Variants in TRPM3 observed in about 807,000 individuals in gnomAD.
TRPM3 encodes transient receptor potential cation channel subfamily M member 3.
In TRPM3, 77 loss-of-function variants were observed where a neutral mutation model predicts 181.2. The observed-to-expected ratio is 0.42, with a 90% confidence interval of 0.35 to 0.51. The LOEUF is 0.51. Among genes scored for constraint, TRPM3 ranks in the 20% least tolerant of loss-of-function variants. The pLI is 0.01. For missense variants in TRPM3, 1,759 were observed against 2,196.7 expected (o/e 0.80, Z 3.98); for synonymous variants, 745 against 796.4 (o/e 0.94, Z 1.09).
At chr9:70,965,452 G>A (rs1253487539) in intron 1 of TRPM3, among the ~76,000 whole-genome samples, 1 of 151,966 alleles carries the variant, frequency 6.6e-6, no homozygotes, top group Non-Finnish European at 1.5e-5. Context: ...ACAATCAAGT[G>A]ACACAGAGAA....
At chr9:70,860,633 C>T (rs2095497891) in intron 3 of TRPM3, among the ~76,000 whole-genome samples, 1 of 152,120 alleles carries the variant, frequency 6.6e-6, no homozygotes, top group Non-Finnish European at 1.5e-5. Flanking sequence ...GGGGTGAGAA[C>T]TTCTGGAATA....
In TRPM3 at chr9:71,282,127, CGAAAGAAAGAAAGAAAGGAAA is replaced by C. The variant is rs1473959572; in HGVS notation, c.183+164505_183+164525del. 3.5e-5 allele frequency among the ~76,000 whole-genome samples: 2 copies of C among 57,658 alleles called. 1 individual carries two copies. Among genetic ancestry groups the C allele is most frequent in the Non-Finnish European group, 7.5e-5 (2 of 26,772 alleles). The allele number at this position is 57,658 out of a possible 152,430, so 37.8% of individuals were successfully genotyped here. On this transcript the variant is annotated intron_variant, in intron 1 of 24. Transcript: ENST00000357533. Reference sequence around the variant, plus strand: ...AAAAGAAAGAAAGAAAAAGAAAGAACGAAAGAAAGAAAGAAAGGAAAGAAAGAAAGGAAAAGAAAGAATGAA... The same window carrying C: ...AAAAGAAAGAAAGAAAAAGAAAGAACGAAAGAAAGGAAAAGAAAGAATGAA...
intron 3 of TRPM3, among the ~76,000 whole-genome samples, 177 bp from the exon 4 acceptor site, chr9:70,846,768 C>A (rs2094973546): frequency 6.6e-6 from 1 of 152,132 alleles, no homozygotes; most frequent in Non-Finnish European, 1.5e-5. Flanking sequence ...AGACAGAGTT[C>A]ATATTTTTAA....
At chr9:71,429,016 C>A (rs6560204) in intron 1 of TRPM3, among the ~76,000 whole-genome samples, 148,998 of 151,252 alleles carry the variant, frequency 0.99, 73,422 homozygotes, top group East Asian at 1. Context: ...TTGAGGACCT[C>A]ATCTTTGCAC....
intron 1 of TRPM3, among the ~76,000 whole-genome samples, chr9:71,337,209 A>C (rs916287254): frequency 6.6e-6 from 1 of 152,222 alleles, no homozygotes; most frequent in Non-Finnish European, 1.5e-5. Context: ...TAATATCCAG[A>C]ATGTACAAGG....
At chr9:71,049,658 A>G (rs926424411) in intron 1 of TRPM3, among the ~76,000 whole-genome samples, 1 of 152,108 alleles carries the variant, frequency 6.6e-6, no homozygotes, top group Non-Finnish European at 1.5e-5. Flanking sequence ...CCTGGAAGCA[A>G]TTGACACTTG....
intron 1 of TRPM3, among the ~76,000 whole-genome samples, chr9:71,356,699 G>T (rs2091910147): frequency 6.6e-6 from 1 of 152,116 alleles, no homozygotes; most frequent in Admixed American, 6.6e-5. Context: ...TTGTTATTGT[G>T]AAGAGAACTT....
chr9:71,091,010 A>C (rs1231249681), intron 1 of TRPM3, among the ~76,000 whole-genome samples: 1 of 152,128 alleles, frequency 6.6e-6, no homozygotes, highest in East Asian at 1.9e-4. Context: ...TATTTTTAAC[A>C]GGCTTCATAA....
Position 70,948,465 on chromosome 9 carries a change from G to A in TRPM3, c.178-83954C>T, listed in dbSNP as rs902803543. 2.0e-5 allele frequency among the ~76,000 whole-genome samples: 3 copies of A among 152,038 alleles called. No homozygotes were observed. The East Asian group carries it at 5.8e-4, about 29-fold the overall frequency. Reference sequence around the variant, plus strand: ...AAACATAAATCTTGAAAAACAAAGAGCCCTTTGACGACTATAATACATTTT... The same window carrying A: ...AAACATAAATCTTGAAAAACAAAGAACCCTTTGACGACTATAATACATTTT... On this transcript the variant is annotated intron_variant, in intron 1 of 25. Transcript: ENST00000677713.
At chr9:71,056,159 C>T (rs986048090) in intron 1 of TRPM3, among the ~76,000 whole-genome samples, 2 of 152,028 alleles carry the variant, frequency 1.3e-5, no homozygotes, top group South Asian at 2.1e-4. Context: ...AAACAACATC[C>T]TTGAGGGCAT....
chr9:70,818,616 C>A (rs142412046), intron 6 of TRPM3, among the ~76,000 whole-genome samples: 1 of 152,144 alleles, frequency 6.6e-6, no homozygotes, highest in Admixed American at 6.5e-5. Context: ...AGAGTGGGTG[C>A]GGCCGAATTG....
At chr9:70,922,822 T>C (rs2096671419) in intron 1 of TRPM3, among the ~76,000 whole-genome samples, 1 of 152,182 alleles carries the variant, frequency 6.6e-6, no homozygotes, top group Admixed American at 6.5e-5. Flanking sequence ...CATATTGAGC[T>C]TGGGTCTCCA....
At chr9:70,837,981 G>A (rs1162870954) in intron 5 of TRPM3, among the ~76,000 whole-genome samples, 1 of 152,100 alleles carries the variant, frequency 6.6e-6, no homozygotes, top group East Asian at 1.9e-4. Flanking sequence ...TACATACCTT[G>A]TAAAACTAAT....
In TRPM3 at chr9:70,531,169, A is replaced by T. The variant is rs1214219225; in HGVS notation, c.*4784T>A. 2 of 152,240 alleles carry T rather than the reference A, an allele frequency of 1.3e-5. No individual in the cohort carries two copies. Among genetic ancestry groups the T allele is most frequent in the East Asian group, 3.8e-4 (2 of 5,200 alleles). 9.4% of individuals were successfully genotyped at this position (152,240 alleles called of 1,614,324 possible). On this transcript the variant is annotated 3_prime_UTR_variant, in exon 26 of 26. Coordinates refer to ENST00000677713, the MANE Select transcript of TRPM3 (RefSeq NM_001366145.2). Reference sequence around the variant, plus strand: ...AGAATCAGAAATGTGTCTTGCATATATCACAGATGCACAACACCTAGACCT... The same window carrying T: ...AGAATCAGAAATGTGTCTTGCATATTTCACAGATGCACAACACCTAGACCT...
At chr9:71,345,331 G>A (rs1024062305) in intron 1 of TRPM3, among the ~76,000 whole-genome samples, 2 of 152,078 alleles carry the variant, frequency 1.3e-5, no homozygotes, top group African/African-American at 4.8e-5. Flanking sequence ...CAAAGACTTG[G>A]AACCAACCCA....
chr9:71,186,271 G>A (rs2077673837), intron 1 of TRPM3, among the ~76,000 whole-genome samples: 1 of 151,956 alleles, frequency 6.6e-6, no homozygotes, highest in Admixed American at 6.6e-5. Flanking sequence ...GGAGGTTATG[G>A]CTTCAATCTA....
At position 70,531,321 on chromosome 9, in the gene TRPM3, T is replaced by A. The variant is rs1045088900; in HGVS notation, c.*4632A>T. On this transcript the variant is annotated 3_prime_UTR_variant, in exon 26 of 26. Coordinates refer to ENST00000677713, the MANE Select transcript of TRPM3 (RefSeq NM_001366145.2). ...AAGATTTAAAAATCCCTTGGTTACTTTTTTTTTGTTTTTAATTTTTCAAAA... is the reference window on the plus strand; with the variant it reads ...AAGATTTAAAAATCCCTTGGTTACTATTTTTTTGTTTTTAATTTTTCAAAA... 1.3e-4 allele frequency: 19 copies of A among 151,968 alleles called. No individual in the cohort carries two copies. Among genetic ancestry groups the A allele is most frequent in the Non-Finnish European group, 2.6e-4 (18 of 67,974 alleles). The allele number at this position is 151,968 out of a possible 1,614,324, so 9.4% of individuals were successfully genotyped here.
At chr9:70,835,975 A>G (rs887952496) in intron 5 of TRPM3, among the ~76,000 whole-genome samples, 1 of 152,184 alleles carries the variant, frequency 6.6e-6, no homozygotes, top group African/African-American at 2.4e-5. Context: ...CACTGTGAGA[A>G]TTAAATGAGT....
At chr9:71,412,085 G>A (rs893263839) in intron 1 of TRPM3, among the ~76,000 whole-genome samples, 6 of 152,048 alleles carry the variant, frequency 3.9e-5, no homozygotes, top group South Asian at 2.1e-4. Flanking sequence ...TACACCTTAT[G>A]CAAAAATTAA....
Sources: allele counts gnomAD v4.1 joint callset (sites outside exome capture counted in the v4.1 genomes callset), GRCh38; gene constraint gnomAD v4.1.1; transcripts MANE v1.5; gene names NCBI Gene and HGNC (gene_info 2026-07-23, HGNC 2026-07-21).